Variants in DGKI observed in about 807,000 individuals in gnomAD.
The protein encoded by DGKI is DAG kinase iota.
Under a neutral mutation model 147.5 loss-of-function variants are expected in DGKI, and 55 were observed. The observed-to-expected ratio is 0.37, with a 90% confidence interval of 0.30 to 0.47. The LOEUF (loss-of-function observed/expected upper bound fraction) is 0.47, where lower values mean the gene tolerates loss of function less well. DGKI is among the 20% of genes least tolerant of loss of function. The probability of loss-of-function intolerance (pLI) is 1.00; values close to 1 mark genes in which losing one functional copy is unlikely to be tolerated. For missense variants in DGKI, 1,007 were observed against 1,323.8 expected (o/e 0.76, Z 3.71); for synonymous variants, 469 against 477.1 (o/e 0.98, Z 0.22).
intron 30 of DGKI, among the ~76,000 whole-genome samples, chr7:137,407,510 G>C (rs768585191): frequency 2.0e-5 from 3 of 152,048 alleles, no homozygotes; most frequent in Non-Finnish European, 4.4e-5. Context: ...CGCAAATACA[G>C]GTGAGGTAGG....
At chr7:137,801,430 T>C (rs1250830187) in intron 1 of DGKI, among the ~76,000 whole-genome samples, 1 of 152,184 alleles carries the variant, frequency 6.6e-6, no homozygotes, top group Admixed American at 6.5e-5. Flanking sequence ...TAAAGTATAG[T>C]GCAAAAATAA....
intron 19 of DGKI, among the ~76,000 whole-genome samples, chr7:137,555,482 C>T (rs1311912605): frequency 2.6e-5 from 4 of 151,830 alleles, no homozygotes; most frequent in African/African-American, 9.7e-5. Flanking sequence ...GCTATGATCA[C>T]GCCACTGCAC....
At chr7:137,590,188 G>A (rs959891141) in intron 12 of DGKI, among the ~76,000 whole-genome samples, 2 of 152,232 alleles carry the variant, frequency 1.3e-5, no homozygotes, top group Non-Finnish European at 2.9e-5. Context: ...ATAAAAGTGT[G>A]TGCCCTACTG....
intron 27 of DGKI, among the ~76,000 whole-genome samples, chr7:137,458,918 T>C (rs941484273): frequency 2.0e-5 from 3 of 152,110 alleles, no homozygotes; most frequent in Non-Finnish European, 4.4e-5. Flanking sequence ...ATCATTATGG[T>C]CCCAGCAGTA....
chr7:137,837,009 G>A (rs139162622), intron 1 of DGKI, among the ~76,000 whole-genome samples: 87 of 152,310 alleles, frequency 5.7e-4, no homozygotes, highest in African/African-American at 1.9e-3. Context: ...GGGAAAGGGT[G>A]AAAAGAGGAC....
At chr7:137,476,146 G>A (rs1815163629) in intron 23 of DGKI, among the ~76,000 whole-genome samples, 1 of 151,944 alleles carries the variant, frequency 6.6e-6, no homozygotes, top group Non-Finnish European at 1.5e-5. Context: ...ACGATGTCAA[G>A]TAGAACAGGT....
intron 20 of DGKI, chr7:137,545,904 T>C (rs1225543489): frequency 1.4e-6 from 1 of 702,194 alleles, no homozygotes; most frequent in African/African-American, 1.8e-5. Flanking sequence ...ACTCACATGG[T>C]GAAGGAGCCG....
At chr7:137,525,031 G>A (rs564883014) in intron 20 of DGKI, among the ~76,000 whole-genome samples, 1 of 152,174 alleles carries the variant, frequency 6.6e-6, no homozygotes, top group East Asian at 1.9e-4. Context: ...TCCAACCCAT[G>A]CACTGTTGTC....
chr7:137,586,710 A>C (rs1398175582), intron 13 of DGKI, among the ~76,000 whole-genome samples: 1 of 152,118 alleles, frequency 6.6e-6, no homozygotes, highest in Non-Finnish European at 1.5e-5. Flanking sequence ...AACTCTCCCA[A>C]GTAAGGTGTG....
rs1176545473 is a variant in DGKI at position 137,389,878 on chromosome 7, T to C, written c.*1342A>G. ...TAAAATAATATATTAGACTACCCCA[T>C]ACATAGAAAATGGGGTTATTAAGTA... On this transcript the variant is annotated 3_prime_UTR_variant, in exon 33 of 33. Transcript: ENST00000614521. 6.6e-6 allele frequency: 1 copy of C among 152,196 alleles called. No homozygotes were observed. The highest frequency in any genetic ancestry group is 1.5e-5 in the Non-Finnish European group (1 of 68,028). 9.4% of individuals were successfully genotyped at this position (152,196 alleles called of 1,614,324 possible).
chr7:137,807,140 T>G (rs904499618), intron 1 of DGKI, among the ~76,000 whole-genome samples: 3 of 152,260 alleles, frequency 2.0e-5, no homozygotes, highest in Admixed American at 2.0e-4. Flanking sequence ...CACAAGTCTA[T>G]CTGTGAAGAC....
At chr7:137,721,606 T>C (rs1794560349) in intron 1 of DGKI, among the ~76,000 whole-genome samples, 1 of 152,148 alleles carries the variant, frequency 6.6e-6, no homozygotes, top group Admixed American at 6.5e-5. Context: ...CATCCTCTCA[T>C]CCTCTACAGG....
intron 23 of DGKI, among the ~76,000 whole-genome samples, chr7:137,484,623 A>C (rs560237870): frequency 2.6e-4 from 40 of 152,154 alleles, no homozygotes; most frequent in African/African-American, 9.4e-4. Context: ...ATGTCTGAGA[A>C]ATCTAATGCA....
chr7:137,539,466 C>T (rs531290686), intron 20 of DGKI, among the ~76,000 whole-genome samples: 6 of 152,046 alleles, frequency 3.9e-5, no homozygotes, highest in African/African-American at 9.7e-5. Flanking sequence ...CCCTAAACAC[C>T]AGACCATAGA....
intron 7 of DGKI, among the ~76,000 whole-genome samples, chr7:137,621,670 AC>A (rs2128997903): frequency 6.6e-6 from 1 of 152,346 alleles, no homozygotes; most frequent in African/African-American, 2.4e-5. Context: ...GATAAGTGGA[AC>A]TGACCAAAGC....
Position 137,485,385 on chromosome 7 carries a change from C to T in DGKI, c.2362G>A (p.Val788Ile). ...CAATTATTTGTTACCTGGTAATGAACTCTCTGGGAGCCAGAAGAAACTGAC... is the reference window on the plus strand; with the variant it reads ...CAATTATTTGTTACCTGGTAATGAATTCTCTGGGAGCCAGAAGAAACTGAC... ...LQSVSSGSQR[V>I]HYQDHETSFP... Residue 788 changes from valine (V) to isoleucine (I), a missense_variant, in exon 23 of 33, where the codon GTT (valine) becomes ATT (isoleucine). Val to Ile is a conservative substitution (Grantham distance 29). Coordinates refer to ENST00000614521, the MANE Select transcript of DGKI (RefSeq NM_001321708.2). The T allele has an allele frequency of 6.2e-7, 1 of 1,608,924 alleles. No homozygotes were observed. The highest frequency in any genetic ancestry group is 1.1e-5 in the South Asian group (1 of 90,290).
chr7:137,571,068 T>C, intron 19 of DGKI, 107 bp downstream of exon 19: 2 of 753,116 alleles, frequency 2.7e-6, no homozygotes, highest in Non-Finnish European at 4.1e-6. Flanking sequence ...ATTCATAAAA[T>C]GTGTAACTTG....
intron 1 of DGKI, among the ~76,000 whole-genome samples, chr7:137,803,773 A>G (rs1797282906): frequency 6.6e-6 from 1 of 152,222 alleles, no homozygotes; most frequent in South Asian, 2.1e-4. Flanking sequence ...TGTGTATCAA[A>G]TATCCTGGAG....
chr7:137,648,821 A>G (rs114115731), intron 5 of DGKI, among the ~76,000 whole-genome samples: 319 of 152,342 alleles, frequency 2.1e-3, no homozygotes, highest in African/African-American at 7.5e-3. Context: ...AGAATATCAT[A>G]TAGTTTAGTC....
Sources: gnomAD v4.1 joint callset for allele counts (sites outside exome capture counted in the v4.1 genomes callset) on GRCh38, gnomAD v4.1.1 for gene constraint, MANE v1.5 for transcripts, NCBI Gene and HGNC (gene_info 2026-07-23, HGNC 2026-07-21) for gene names.